The following RPS6KC1 variants were observed in gnomAD, a reference collection of about 807,000 sequenced individuals.
RPS6KC1 encodes the protein ribosomal protein S6 kinase C1, also known as inactive ribosomal protein S6 kinase delta-1.
A neutral mutation model predicts 103.8 loss-of-function variants in RPS6KC1; 54 were observed. The observed-to-expected ratio is 0.52, with a 90% CI of 0.42 to 0.65. The LOEUF (loss-of-function observed/expected upper bound fraction) is 0.65. RPS6KC1 is among the 30% of genes least tolerant of loss of function. The pLI, the probability that RPS6KC1 is intolerant of heterozygous loss-of-function variation, is 0.00. For synonymous variants in RPS6KC1, 439 were observed against 438.7 expected (o/e 1.00, Z -0.01); for missense variants, 1,151 against 1,253.8 (o/e 0.92, Z 1.24).
the RPS6KC1 span, among the ~76,000 whole-genome samples, chr1:213,403,213 T>A: frequency 1.1e-4 from 17 of 152,254 alleles, no homozygotes; most frequent in African/African-American, 3.4e-4. Context: ...TTCCTCTCCA[T>A]CCACTTGCCA....
intron 8 of RPS6KC1, among the ~76,000 whole-genome samples, chr1:213,186,536 T>G (rs777015280): frequency 1.3e-5 from 2 of 152,180 alleles, no homozygotes; most frequent in South Asian, 2.1e-4. Flanking sequence ...CTTTGAGGGT[T>G]TGATTATTAT....
At chr1:213,311,980 C>T in the RPS6KC1 span, among the ~76,000 whole-genome samples, 4 of 151,536 alleles carry the variant, frequency 2.6e-5, no homozygotes, top group East Asian at 5.9e-4. Flanking sequence ...TCACTGCAAC[C>T]TCCACCTCCT....
the RPS6KC1 span, among the ~76,000 whole-genome samples, chr1:213,849,220 A>AAC: frequency 1.3e-5 from 2 of 152,150 alleles, no homozygotes; most frequent in Non-Finnish European, 2.9e-5. Flanking sequence ...CTGGGTGCTA[A>AAC]AACTGCTGTG....
At chr1:213,482,545 T>G in the RPS6KC1 span, among the ~76,000 whole-genome samples, 47 of 110,128 alleles carry the variant, frequency 4.3e-4, no homozygotes, top group South Asian at 0.01. Context: ...TTGAGGTTTT[T>G]TTTTTTTTTT....
At chr1:213,496,199 A>G in the RPS6KC1 span, among the ~76,000 whole-genome samples, 1 of 152,206 alleles carries the variant, frequency 6.6e-6, no homozygotes, top group Admixed American at 6.5e-5. Flanking sequence ...AAGAAAAAGC[A>G]TAAGACAAAG....
the RPS6KC1 span, among the ~76,000 whole-genome samples, chr1:213,615,386 A>C: frequency 3.3e-5 from 5 of 152,364 alleles, no homozygotes; most frequent in Non-Finnish European, 5.9e-5. Flanking sequence ...AACAGAAGAC[A>C]CCAGCCTTCA....
chr1:213,189,913 T>C (rs2148458940), intron 8 of RPS6KC1, among the ~76,000 whole-genome samples: 1 of 152,338 alleles, frequency 6.6e-6, no homozygotes, highest in South Asian at 2.1e-4. Context: ...GTTTGTCTTT[T>C]TGTGCCTGAC....
intron 6 of RPS6KC1, among the ~76,000 whole-genome samples, chr1:213,144,447 C>G (rs2087476148): frequency 6.6e-6 from 1 of 151,886 alleles, no homozygotes; most frequent in Non-Finnish European, 1.5e-5. Context: ...AAATGGGAAT[C>G]TTACTATGTT....
the RPS6KC1 span, among the ~76,000 whole-genome samples, chr1:213,435,755 C>T: frequency 6.6e-5 from 10 of 152,122 alleles, no homozygotes; most frequent in African/African-American, 2.4e-4. Context: ...GGGTAATTTC[C>T]TGACACACAT....
At chr1:213,649,403 C>T in the RPS6KC1 span, among the ~76,000 whole-genome samples, 6,952 of 152,156 alleles carry the variant, frequency 0.046, 352 homozygotes, top group African/African-American at 0.12. Flanking sequence ...CTCTCCTCTC[C>T]AGCCTCAGTC....
intron 8 of RPS6KC1, among the ~76,000 whole-genome samples, chr1:213,215,568 C>T (rs1001967434): frequency 5.3e-5 from 8 of 152,088 alleles, no homozygotes; most frequent in Non-Finnish European, 1.0e-4. Context: ...CTCCAAGACA[C>T]ATAATTGTCA....
the RPS6KC1 span, among the ~76,000 whole-genome samples, chr1:213,576,371 G>T: frequency 3.1e-4 from 44 of 140,114 alleles, no homozygotes; most frequent in South Asian, 3.4e-3. Flanking sequence ...GATACTGTGG[G>T]TTTTTTTTTT....
intron 14 of RPS6KC1, among the ~76,000 whole-genome samples, chr1:213,268,449 A>G (rs2149159610): frequency 6.6e-6 from 1 of 151,972 alleles, no homozygotes; most frequent in African/African-American, 2.4e-5. Flanking sequence ...GAGAGAAATG[A>G]CACACCAGGT....
intron 4 of RPS6KC1, among the ~76,000 whole-genome samples, chr1:213,105,915 A>G (rs544322532): frequency 6.6e-6 from 1 of 152,322 alleles, no homozygotes; most frequent in East Asian, 1.9e-4. Context: ...CTGTCATGCA[A>G]ATTACCACCT....
the RPS6KC1 span, among the ~76,000 whole-genome samples, chr1:213,650,092 C>T: frequency 8.0e-3 from 1,225 of 152,282 alleles, 11 homozygotes; most frequent in South Asian, 0.024. Flanking sequence ...GATGCAGGAG[C>T]CCAGCCCAGG....
the RPS6KC1 span, among the ~76,000 whole-genome samples, chr1:213,503,173 T>C: frequency 1.3e-5 from 2 of 152,180 alleles, no homozygotes; most frequent in Non-Finnish European, 2.9e-5. Flanking sequence ...TTTGTAATTT[T>C]GGTTTGCCAT....
chr1:213,500,357 G>A, the RPS6KC1 span, among the ~76,000 whole-genome samples: 1 of 152,112 alleles, frequency 6.6e-6, no homozygotes, highest in Non-Finnish European at 1.5e-5. Flanking sequence ...TAACGGCGCG[G>A]CCATCTCCTA....
the RPS6KC1 span, among the ~76,000 whole-genome samples, chr1:213,730,280 A>T: frequency 1.6e-4 from 24 of 152,152 alleles, no homozygotes; most frequent in Non-Finnish European, 3.1e-4. Context: ...TCCTTTGGGT[A>T]TATACTCAGT....
At chr1:213,212,156 T>G (rs1001410194) in intron 8 of RPS6KC1, among the ~76,000 whole-genome samples, 2 of 152,196 alleles carry the variant, frequency 1.3e-5, no homozygotes, top group African/African-American at 2.4e-5. Flanking sequence ...TGGACAAATG[T>G]ATAATGACCA....
Sources: gnomAD v4.1 joint callset for allele counts (sites outside exome capture counted in the v4.1 genomes callset) on GRCh38, gnomAD v4.1.1 for gene constraint, MANE v1.5 for transcripts, NCBI Gene and HGNC (gene_info 2026-07-23, HGNC 2026-07-21) for gene names.